The following CLIP2 variants were observed in gnomAD, a reference collection of about 807,000 sequenced individuals.
The protein encoded by CLIP2 is CAP-Gly domain-containing linker protein 2.
In CLIP2, 41 loss-of-function variants were observed where a neutral mutation model predicts 111.7. That is an observed-to-expected ratio of 0.37 (90% confidence interval 0.29 to 0.48). CLIP2 has a LOEUF of 0.48. CLIP2 is among the 20% of genes least tolerant of loss of function. CLIP2 has a pLI of 0.99. For missense variants in CLIP2, 1,160 were observed against 1,422.1 expected (o/e 0.82, Z 2.96); for synonymous variants, 660 against 644.2 (o/e 1.02, Z -0.37).
intron 9 of CLIP2, among the ~76,000 whole-genome samples, chr7:74,374,844 G>T (rs1790730761): frequency 6.6e-6 from 1 of 152,186 alleles, no homozygotes; most frequent in African/African-American, 2.4e-5. Flanking sequence ...TCATATCTAT[G>T]ACCATCAACG....
chr7:74,375,405 C>T (rs1176728622), intron 9 of CLIP2, among the ~76,000 whole-genome samples: 1 of 151,446 alleles, frequency 6.6e-6, no homozygotes, highest in Non-Finnish European at 1.5e-5. Flanking sequence ...ACAAAAATTC[C>T]CCAGGCGCAT....
chr7:74,376,635 A>C lies in CLIP2; in HGVS notation c.2234A>C (p.Gln745Pro), dbSNP rs782041964. The C allele has an allele frequency of 6.2e-7, 1 of 1,613,472 alleles. No homozygotes were observed. Among genetic ancestry groups the C allele is most frequent in the Non-Finnish European group, 8.5e-7 (1 of 1,179,918 alleles). ...AAACTGGACGTGGAGTACCGGGGCC[A>C]GGCGCAGGCTATCGAGTTCCTCAAG... ...LEKLDVEYRG[Q>P]AQAIEFLKEQ... Residue 745 changes from glutamine to proline, a missense_variant, in exon 10 of 17, where the codon CAG becomes CCG. Gln to Pro is a moderately conservative substitution (Grantham distance 76, BLOSUM62 -1). Transcript: ENST00000223398. This position sits in a 1 kb window ranked among gnomAD's most constrained non-coding sequence, Gnocchi z 7.1.
At position 74,376,691 on chromosome 7, in the gene CLIP2, T is replaced by G; in HGVS notation, c.2290T>G (p.Leu764Val). Residue 764 changes from leucine (L) to valine (V), a missense_variant, in exon 10 of 17, where the codon TTG becomes GTG. Transcript: ENST00000223398. The surrounding 1 kb of genome is among the most constrained non-coding windows in gnomAD (Gnocchi z 7.1). Reference protein sequence around the residue: ...EQISLAEKKMLDYERLQRAEA... With the variant: ...EQISLAEKKMVDYERLQRAEA... ...GATCTCGCTGGCCGAGAAGAAGATG[T>G]TGGACTACGAGCGGCTGCAGCGGGC... 1 of 1,613,106 alleles carries G rather than the reference T, an allele frequency of 6.2e-7. No homozygotes were observed. The highest frequency in any genetic ancestry group is 8.5e-7 in the Non-Finnish European group (1 of 1,179,778).
chr7:74,346,288 T>C (rs189970818), intron 3 of CLIP2, among the ~76,000 whole-genome samples: 1 of 152,186 alleles, frequency 6.6e-6, no homozygotes, highest in African/African-American at 2.4e-5. Context: ...GCTATGAAGA[T>C]AAATTTTTTT....
At chr7:74,314,218 C>T (rs1330096439) in intron 1 of CLIP2, among the ~76,000 whole-genome samples, 4 of 147,620 alleles carry the variant, frequency 2.7e-5, no homozygotes, top group African/African-American at 7.4e-5. Flanking sequence ...GGACCGGGTG[C>T]GGTGGCTCAT....
intron 3 of CLIP2, 148 bp from the exon 4 acceptor site, chr7:74,353,732 C>A: frequency 2.9e-6 from 3 of 1,035,702 alleles, no homozygotes; most frequent in Non-Finnish European, 4.4e-6. Context: ...TCTCAATCAT[C>A]CTTAGGTGTC....
At chr7:74,341,573 T>C (rs568590834) in intron 3 of CLIP2, among the ~76,000 whole-genome samples, 2 of 151,916 alleles carry the variant, frequency 1.3e-5, no homozygotes, top group East Asian at 3.9e-4. Flanking sequence ...GCCCTGGCCA[T>C]GGTGAGGGCT....
chr7:74,301,723 G>GT (rs1554726899), intron 1 of CLIP2, among the ~76,000 whole-genome samples: 3 of 124,428 alleles, frequency 2.4e-5, no homozygotes, highest in South Asian at 5.2e-4. Context: ...TGTTTTTTTT[G>GT]TTTTTTTGAG....
At chr7:74,366,679 C>A (rs1451149962) in intron 8 of CLIP2, among the ~76,000 whole-genome samples, 2 of 152,114 alleles carry the variant, frequency 1.3e-5, no homozygotes, top group Non-Finnish European at 2.9e-5. Flanking sequence ...GAGTTTGAGA[C>A]CAGCCTGGCC....
chr7:74,385,654 G>A (rs960284267), intron 11 of CLIP2, among the ~76,000 whole-genome samples: 2 of 151,608 alleles, frequency 1.3e-5, no homozygotes, highest in Non-Finnish European at 2.9e-5. Context: ...AGCACTGTTA[G>A]CACTGTTATT....
In CLIP2 at chr7:74,354,728, G is replaced by T. The variant is rs140277718; in HGVS notation, c.803+724G>T. Among the ~76,000 whole-genome samples, 1,083 of 152,086 alleles carry T rather than the reference G, an allele frequency of 7.1e-3. 5 individuals carry two copies. Among genetic ancestry groups the T allele is most frequent in the African/African-American group, 0.024 (1,014 of 41,494 alleles). The stretch of plus-strand genomic sequence containing the variant: ...GAAGGTTGCAGTGAGCTGAGATCAC[G>T]CCATTGCATTCCAGCCTGGGCAATA... On this transcript the variant is annotated intron_variant, in intron 4 of 16. Coordinates refer to ENST00000223398, the MANE Select transcript of CLIP2 (RefSeq NM_003388.5).
intron 2 of CLIP2, among the ~76,000 whole-genome samples, chr7:74,332,378 T>A (rs926072535): frequency 6.6e-6 from 1 of 150,976 alleles, no homozygotes; most frequent in African/African-American, 2.4e-5. Context: ...CCCGTGTAAT[T>A]TTTTTCTCAG....
chr7:74,341,952 T>G (rs1425200041), intron 3 of CLIP2, among the ~76,000 whole-genome samples: 2 of 152,110 alleles, frequency 1.3e-5, no homozygotes, highest in African/African-American at 4.8e-5. Context: ...GAGCCTGGCC[T>G]GGTGGGGAGG....
intron 8 of CLIP2, among the ~76,000 whole-genome samples, 157 bp downstream of exon 8, chr7:74,364,472 G>A (rs1554310393): frequency 6.6e-6 from 1 of 152,188 alleles, no homozygotes; most frequent in East Asian, 1.9e-4. Flanking sequence ...TGTCTGAGGT[G>A]TTAGTGGCTC....
chr7:74,393,414 G>A (rs2116698663), intron 13 of CLIP2, among the ~76,000 whole-genome samples: 1 of 149,306 alleles, frequency 6.7e-6, no homozygotes, highest in East Asian at 2.0e-4. Flanking sequence ...TCTGCTCACT[G>A]CAACCTCCAC....
At chr7:74,357,507 C>T (rs782117507) in intron 6 of CLIP2, 30 bp downstream of exon 6, 2 of 1,581,366 alleles carry the variant, frequency 1.3e-6, no homozygotes, top group South Asian at 2.3e-5. Context: ...GGGGGCAGAG[C>T]TTCTCCAGCC....
At chr7:74,386,813 A>G (rs1554314896) in intron 12 of CLIP2, among the ~76,000 whole-genome samples, 1 of 152,038 alleles carries the variant, frequency 6.6e-6, no homozygotes, top group South Asian at 2.1e-4. Flanking sequence ...ACCTGAGGTC[A>G]GGAGTTCGAG....
chr7:74,316,846 G>A (rs1788789151), intron 1 of CLIP2, among the ~76,000 whole-genome samples: 1 of 152,158 alleles, frequency 6.6e-6, no homozygotes, highest in Non-Finnish European at 1.5e-5. Context: ...ACAGGCATCA[G>A]CCACTGCACC....
At chr7:74,401,391 G>A (rs1791613987) in intron 15 of CLIP2, 114 bp from the exon 16 acceptor site, 1 of 950,226 alleles carries the variant, frequency 1.1e-6, no homozygotes, top group Non-Finnish European at 1.7e-6. Context: ...CCAGGCTGAA[G>A]GGGTTGGAAT....
Sources: allele counts gnomAD v4.1 joint callset (sites outside exome capture counted in the v4.1 genomes callset), GRCh38; gene constraint gnomAD v4.1.1; non-coding constraint Gnocchi (gnomAD v3.1); transcripts MANE v1.5; gene names NCBI Gene and HGNC (gene_info 2026-07-23, HGNC 2026-07-21).